Variants in PAQR5 observed in about 807,000 individuals in gnomAD.
PAQR5 encodes the protein membrane progestin receptor gamma.
In PAQR5, 20 loss-of-function variants were observed where a neutral mutation model predicts 34.5. That is an observed-to-expected ratio of 0.58 (90% CI 0.41 to 0.84). The LOEUF (loss-of-function observed/expected upper bound fraction) is 0.84. Among genes scored for constraint, PAQR5 ranks in the 40% least tolerant of loss-of-function variants. The probability of loss-of-function intolerance (pLI) is 0.00; values close to 1 mark genes in which losing one functional copy is unlikely to be tolerated. For missense variants in PAQR5, 378 were observed against 412.7 expected, an observed-to-expected ratio of 0.92 and a Z score of 0.73; for synonymous variants, 131 against 155.6, an observed-to-expected ratio of 0.84 and a Z score of 1.18.
chr15:69,335,365 C>T (rs2140695769), intron 1 of PAQR5, among the ~76,000 whole-genome samples: 1 of 148,224 alleles, frequency 6.7e-6, no homozygotes, highest in African/African-American at 2.5e-5. Flanking sequence ...CCTGCCTCAG[C>T]TGCCCAAGTA....
At chr15:69,343,258 C>T (rs1465610773) in intron 2 of PAQR5, among the ~76,000 whole-genome samples, 3 of 152,216 alleles carry the variant, frequency 2.0e-5, no homozygotes, top group Non-Finnish European at 4.4e-5. Flanking sequence ...AAAGAAGTGG[C>T]ATCACAGCTG....
chr15:69,385,539 T>C lies in PAQR5; in HGVS notation c.385+657T>C, dbSNP rs1246402516. ...TTCGGTGCTGACCGCCCCCTCTTCC[T>C]TGTCTTTTTCTTTGACTATGATGCT... On this transcript the variant is annotated intron_variant, in intron 5 of 8. Transcript: ENST00000395407. This position sits in a 1 kb window ranked among gnomAD's most constrained non-coding sequence, Gnocchi z 4.7. Among the ~76,000 whole-genome samples the C allele has an allele frequency of 1.3e-5, 2 of 152,140 alleles. No individual in the cohort carries two copies. Among genetic ancestry groups the C allele is most frequent in the Non-Finnish European group, 2.9e-5 (2 of 68,006 alleles).
chr15:69,399,900 C>A, intron 7 of PAQR5, 74 bp from the exon 8 acceptor site: 1 of 1,479,468 alleles, frequency 6.8e-7, no homozygotes, highest in Admixed American at 2.0e-5. Context: ...GTCCCAGATG[C>A]AGGTGCTGAG....
In PAQR5 at chr15:69,406,798, A is replaced by C. The variant is rs2056755042; in HGVS notation, c.*2976A>C. 6.6e-6 allele frequency: 1 copy of C among 151,680 alleles called. No individual in the cohort carries two copies. The highest frequency in any genetic ancestry group is 2.4e-5 in the African/African-American group (1 of 41,196). The allele number at this position is 151,680 out of a possible 1,614,324, so 9.4% of individuals were successfully genotyped here. A position where few individuals can be genotyped will look rare whatever the true frequency, so the allele number is the denominator to read the frequency against. On this transcript the variant is annotated 3_prime_UTR_variant, in exon 9 of 9. Coordinates refer to ENST00000395407, the MANE Select transcript of PAQR5 (RefSeq NM_017705.4). Reference sequence around the variant, plus strand: ...TGTGGGAGGATTGCTTGAACCCAGGAGTTGGATGCTGCAGTGAGCTATGAT... The same window carrying C: ...TGTGGGAGGATTGCTTGAACCCAGGCGTTGGATGCTGCAGTGAGCTATGAT...
intron 3 of PAQR5, among the ~76,000 whole-genome samples, chr15:69,363,943 T>G (rs1032587792): frequency 6.6e-6 from 1 of 152,110 alleles, no homozygotes; most frequent in Non-Finnish European, 1.5e-5. Context: ...TTTAGGGGCA[T>G]GGACAGGAGG....
In PAQR5 at chr15:69,360,122, G is replaced by GT; in HGVS notation, c.42_43insT (p.Ile15TyrfsTer7). On this transcript the variant is annotated frameshift_variant, in exon 3 of 9. Transcript: ENST00000395407. LOFTEE classifies it high-confidence loss of function. Reference sequence around the variant, plus strand: ...TCCCCAGGCTGTTTAGCATAGACCAGATACCCCAGGTATGTGCTCTATTGA... The same window carrying GT: ...TCCCCAGGCTGTTTAGCATAGACCAGTATACCCCAGGTATGTGCTCTATTGA... 1.2e-6 allele frequency: 2 copies of GT among 1,612,796 alleles called. No individual in the cohort carries two copies. The highest frequency in any genetic ancestry group is 1.7e-4 in the Middle Eastern group (1 of 6,060).
At chr15:69,386,851 C>T (rs957814551) in intron 5 of PAQR5, among the ~76,000 whole-genome samples, 3 of 152,112 alleles carry the variant, frequency 2.0e-5, no homozygotes, top group Non-Finnish European at 2.9e-5. Context: ...TACCTGCTCC[C>T]GCCCCTGCCC....
intron 1 of PAQR5, among the ~76,000 whole-genome samples, chr15:69,319,962 C>T (rs2054055576): frequency 6.6e-6 from 1 of 152,244 alleles, no homozygotes; most frequent in Non-Finnish European, 1.5e-5. Flanking sequence ...CTGGCTTCCA[C>T]AGGCTGGCAG....
chr15:69,390,680 C>G (rs2056242543), intron 6 of PAQR5, among the ~76,000 whole-genome samples: 1 of 152,148 alleles, frequency 6.6e-6, no homozygotes, highest in East Asian at 1.9e-4. Context: ...AAGCCTGGCA[C>G]AGAGGAGATG....
At chr15:69,313,285 G>A (rs1325177728) in intron 1 of PAQR5, among the ~76,000 whole-genome samples, 1 of 152,214 alleles carries the variant, frequency 6.6e-6, no homozygotes, top group Non-Finnish European at 1.5e-5. Context: ...GATCCCCTGA[G>A]CTGAAGCGTT....
chr15:69,362,036 G>T (rs886613191), intron 3 of PAQR5, among the ~76,000 whole-genome samples: 1 of 152,074 alleles, frequency 6.6e-6, no homozygotes, highest in African/African-American at 2.4e-5. Flanking sequence ...TTTTGGTCAG[G>T]GTTGGATTCA....
chr15:69,339,881 T>C lies in PAQR5; in HGVS notation c.-116+2380T>C, dbSNP rs150899038. Among the ~76,000 whole-genome samples, 332 of 152,118 alleles carry C rather than the reference T, an allele frequency of 2.2e-3. 1 individual carries two copies. Among genetic ancestry groups the C allele is most frequent in the African/African-American group, 7.5e-3 (312 of 41,526 alleles). On this transcript the variant is annotated intron_variant, in intron 2 of 8. Transcript: ENST00000395407. ...ACCTGTGACATTAACACCTTTTTTT[T>C]GGGGGACGGAGTTTTGCTCTTGTTG...
intron 1 of PAQR5, among the ~76,000 whole-genome samples, chr15:69,303,560 TA>T (rs112795464): frequency 0.095 from 13,350 of 140,542 alleles, 1,047 homozygotes; most frequent in African/African-American, 0.22. Flanking sequence ...CCAGTGCAAT[TA>T]AAAAAAAAAA....
At chr15:69,346,298 T>TTA (rs10632611) in intron 2 of PAQR5, among the ~76,000 whole-genome samples, 81 of 7,982 alleles carry the variant, frequency 0.01, no homozygotes, top group African/African-American at 0.018. Context: ...TATTTTGTAA[T>TTA]TTTTTTTTTT....
chr15:69,391,500 T>A (rs902498798), intron 6 of PAQR5: 1 of 327,880 alleles, frequency 3.0e-6, no homozygotes, highest in African/African-American at 2.2e-5. Flanking sequence ...ATAACAGATA[T>A]AGAACAGTAA....
In PAQR5 at chr15:69,399,971, C is replaced by A; in HGVS notation, c.610-3C>A. The A allele has an allele frequency of 1.9e-6, 3 of 1,612,762 alleles. No homozygotes were observed. The highest frequency in any genetic ancestry group is 2.5e-6 in the Non-Finnish European group (3 of 1,179,318). On this transcript the variant is annotated splice_region_variant and splice_polypyrimidine_tract_variant and intron_variant, in intron 7 of 8. Coordinates refer to ENST00000395407, the MANE Select transcript of PAQR5 (RefSeq NM_017705.4). ...GACCTGATGTTTCTTTAAACACCTGCAGCTATTCCTGTTCCCAGGGGAGAG... is the reference window on the plus strand; with the variant it reads ...GACCTGATGTTTCTTTAAACACCTGAAGCTATTCCTGTTCCCAGGGGAGAG...
Position 69,389,751 on chromosome 15 carries a change from C to T in PAQR5, c.483C>T (p.Ile161=). 2 of 1,614,186 alleles carry T rather than the reference C, an allele frequency of 1.2e-6. No homozygotes were observed. The highest frequency in any genetic ancestry group is 1.7e-6 in the Non-Finnish European group (2 of 1,180,028). The change falls in exon 6 of 9, where the codon ATC becomes ATT. Residue 161 remains isoleucine, a synonymous_variant. Coordinates refer to ENST00000395407, the MANE Select transcript of PAQR5 (RefSeq NM_017705.4). ...YYVALAVLNT[I]LSTGLSCYSR... is the part of the protein sequence containing the mutation. ...TGGCCCTGGCTGTACTGAACACCAT[C>T]CTCAGCACAGGCCTCTCCTGCTACT...
rs142014391 is a variant in PAQR5 at position 69,318,227 on chromosome 15, C to T, written c.-276-19114C>T. Among the ~76,000 whole-genome samples the T allele has an allele frequency of 4.7e-3, 709 of 152,316 alleles. 13 individuals carry two copies. The highest frequency in any genetic ancestry group is 0.016 in the African/African-American group (663 of 41,580). Reference sequence around the variant, plus strand: ...TGCACTGGAGGCTGATGAAGTGGGGCTCGGGCTGGGACAGACGGTGTGGTG... The same window carrying T: ...TGCACTGGAGGCTGATGAAGTGGGGTTCGGGCTGGGACAGACGGTGTGGTG... On this transcript the variant is annotated intron_variant, in intron 1 of 8. Coordinates refer to ENST00000395407, the MANE Select transcript of PAQR5 (RefSeq NM_017705.4).
chr15:69,371,580 T>C (rs1267952381), intron 3 of PAQR5, among the ~76,000 whole-genome samples: 1 of 152,098 alleles, frequency 6.6e-6, no homozygotes, highest in African/African-American at 2.4e-5. Flanking sequence ...GTCTACAGTG[T>C]CCGGAGAAAT....
Sources: gnomAD v4.1 joint callset for allele counts (sites outside exome capture counted in the v4.1 genomes callset) on GRCh38, gnomAD v4.1.1 for gene constraint, Gnocchi (gnomAD v3.1) non-coding constraint, MANE v1.5 for transcripts, NCBI Gene and HGNC (gene_info 2026-07-23, HGNC 2026-07-21) for gene names.